SGIP1: variants seen among roughly 807,000 people sequenced by gnomAD.
The protein encoded by SGIP1 is SH3GL interacting endocytic adaptor 1.
In SGIP1, 38 loss-of-function variants were observed where a neutral mutation model predicts 107.5. That is an observed-to-expected ratio of 0.35 (90% CI 0.27 to 0.46). SGIP1 has a LOEUF of 0.46. Among genes scored for constraint, SGIP1 ranks in the 20% least tolerant of loss-of-function variants. The pLI is 1.00. For missense variants in SGIP1, 929 were observed against 1,019.5 expected (o/e 0.91, Z 1.21); for synonymous variants, 365 against 366.1 (o/e 1.00, Z 0.03).
chr1:66,679,046 G>A (rs374695199), intron 13 of SGIP1, among the ~76,000 whole-genome samples: 45 of 152,274 alleles, frequency 3.0e-4, no homozygotes, highest in African/African-American at 1.0e-3. Context: ...CTCTTCGTAG[G>A]GACCATGATA....
intron 2 of SGIP1, among the ~76,000 whole-genome samples, chr1:66,627,685 A>G (rs1290327186): frequency 6.6e-6 from 1 of 152,312 alleles, no homozygotes; most frequent in East Asian, 1.9e-4. Context: ...AAATTTTTCT[A>G]AATAATTAAG....
intron 1 of SGIP1, among the ~76,000 whole-genome samples, chr1:66,568,236 A>G (rs1475404687): frequency 2.0e-5 from 3 of 151,906 alleles, no homozygotes; most frequent in Non-Finnish European, 4.4e-5. Flanking sequence ...TGTTACCTGT[A>G]TTCCTAGGTT....
At chr1:66,551,930 T>G (rs975962726) in intron 1 of SGIP1, among the ~76,000 whole-genome samples, 5 of 152,174 alleles carry the variant, frequency 3.3e-5, no homozygotes, top group Non-Finnish European at 5.9e-5. Context: ...TCTGCACAAC[T>G]TATCAGTGTA....
chr1:66,552,323 T>C (rs2057537379), intron 1 of SGIP1, among the ~76,000 whole-genome samples: 1 of 152,186 alleles, frequency 6.6e-6, no homozygotes, highest in African/African-American at 2.4e-5. Flanking sequence ...AGAAAATTCA[T>C]TTAACAACAC....
At chr1:66,571,006 T>G (rs956143432) in intron 1 of SGIP1, among the ~76,000 whole-genome samples, 11 of 152,022 alleles carry the variant, frequency 7.2e-5, no homozygotes, top group African/African-American at 2.7e-4. Context: ...TGATAAATCT[T>G]AGTGTAACTG....
rs17129247 is a variant in SGIP1 at position 66,645,203 on chromosome 1, G to A, written c.459+1484G>A. ...AAAGAAGGCAAGTTCAGAGGATTAA[G>A]TGAACACATTTATGTGAAAGCAAAT... is the stretch of plus-strand genomic sequence containing the variant. On this transcript the variant is annotated intron_variant, in intron 7 of 24. Transcript: ENST00000371037. 2.6e-4 allele frequency among the ~76,000 whole-genome samples: 39 copies of A among 152,308 alleles called. No homozygotes were observed. The East Asian group carries it at 6.2e-3, about 24-fold the overall frequency.
intron 1 of SGIP1, among the ~76,000 whole-genome samples, chr1:66,598,255 A>G (rs1476393836): frequency 6.6e-6 from 1 of 152,200 alleles, no homozygotes; most frequent in African/African-American, 2.4e-5. Context: ...AAAGCAATAA[A>G]AACTAACACA....
At chr1:66,621,193 A>C (rs902596197) in intron 1 of SGIP1, among the ~76,000 whole-genome samples, 5 of 152,230 alleles carry the variant, frequency 3.3e-5, no homozygotes, top group Admixed American at 2.6e-4. Flanking sequence ...GTAAATTCTC[A>C]TGGAAATATT....
At chr1:66,701,251 G>C (rs1257543141) in intron 18 of SGIP1, among the ~76,000 whole-genome samples, 1 of 152,136 alleles carries the variant, frequency 6.6e-6, no homozygotes, top group Non-Finnish European at 1.5e-5. Context: ...AATTTTCTGG[G>C]GAGCAATGGC....
intron 1 of SGIP1, among the ~76,000 whole-genome samples, chr1:66,544,008 T>A (rs1415096141): frequency 6.6e-6 from 1 of 152,152 alleles, no homozygotes; most frequent in Non-Finnish European, 1.5e-5. Flanking sequence ...CAGTTTCCAT[T>A]GTTCTATTGG....
At chr1:66,623,942 G>T (rs1410958868) in intron 1 of SGIP1, among the ~76,000 whole-genome samples, 3 of 152,206 alleles carry the variant, frequency 2.0e-5, no homozygotes, top group Admixed American at 6.5e-5. Context: ...AAACTTGGTG[G>T]TCAAAACCAG....
chr1:66,653,164 C>T lies in SGIP1; in HGVS notation c.460-7349C>T, dbSNP rs551719929. On this transcript the variant is annotated intron_variant, in intron 7 of 24. Transcript: ENST00000371037. ...CGCAACTTTTGTTTTTCCCAGGACT[C>T]ATAGAGGATAGATGGGAAAATAGGT... is the stretch of plus-strand genomic sequence containing the variant. Among the ~76,000 whole-genome samples the T allele has an allele frequency of 2.6e-5, 4 of 152,270 alleles. No homozygotes were observed. In the South Asian group the frequency reaches 8.3e-4, roughly 32 times the overall value.
At chr1:66,726,026 A>G (rs1287108937) in intron 19 of SGIP1, among the ~76,000 whole-genome samples, 3 of 152,188 alleles carry the variant, frequency 2.0e-5, no homozygotes. Flanking sequence ...GATGACAGGA[A>G]AGCTGTCTGT....
At chr1:66,623,198 A>T (rs1191281881) in intron 1 of SGIP1, among the ~76,000 whole-genome samples, 1 of 152,012 alleles carries the variant, frequency 6.6e-6, no homozygotes, top group African/African-American at 2.4e-5. Context: ...AGTTTTCTTC[A>T]TATTTTTTGT....
intron 1 of SGIP1, among the ~76,000 whole-genome samples, chr1:66,566,296 A>G (rs1388480662): frequency 6.6e-6 from 1 of 152,050 alleles, no homozygotes; most frequent in Non-Finnish European, 1.5e-5. Context: ...CCTAGGGGCC[A>G]TCAACTTTCT....
chr1:66,681,631 G>A (rs762037428), intron 14 of SGIP1, among the ~76,000 whole-genome samples: 9 of 152,160 alleles, frequency 5.9e-5, no homozygotes, highest in Non-Finnish European at 8.8e-5. Context: ...GTAGCTAGCT[G>A]TGCTCAGCTT....
At position 66,569,129 on chromosome 1, in the gene SGIP1, TAC is replaced by T. The variant is rs146667759; in HGVS notation, c.10+34763_10+34764del. On this transcript the variant is annotated intron_variant, in intron 1 of 24. Transcript: ENST00000371037. The stretch of plus-strand genomic sequence containing the variant: ...ACCTGGAAGGATACAAGCCTGAGGC[TAC>T]AGTCTCCAAATGGTGAAACTTGAGA... Among the ~76,000 whole-genome samples, 909 of 152,138 alleles carry T rather than the reference TAC, an allele frequency of 6.0e-3. 2 individuals carry two copies. Among genetic ancestry groups the T allele is most frequent in the African/African-American group, 0.021 (859 of 41,552 alleles).
At chr1:66,616,233 G>A (rs948920005) in intron 1 of SGIP1, 4 of 152,080 alleles carry the variant, frequency 2.6e-5, no homozygotes, top group Non-Finnish European at 5.9e-5. Context: ...TTGAGGTTTT[G>A]AAATTTTGAT....
intron 7 of SGIP1, among the ~76,000 whole-genome samples, chr1:66,648,044 C>G (rs188419907): frequency 1.3e-5 from 2 of 152,142 alleles, no homozygotes; most frequent in Admixed American, 6.6e-5. Context: ...CTTTACACAA[C>G]GAACAACAGC....
Sources: allele counts gnomAD v4.1 joint callset (sites outside exome capture counted in the v4.1 genomes callset), GRCh38; gene constraint gnomAD v4.1.1; transcripts MANE v1.5; gene names NCBI Gene and HGNC (gene_info 2026-07-23, HGNC 2026-07-21).